The following MORC2 variants were observed in gnomAD, a reference collection of about 807,000 sequenced individuals.
MORC2 encodes ATPase MORC2.
A neutral mutation model predicts 136.0 loss-of-function variants in MORC2; 30 were observed. That is an observed-to-expected ratio of 0.22 (90% CI 0.17 to 0.30). The LOEUF (loss-of-function observed/expected upper bound fraction) is 0.30. Ranked by LOEUF, MORC2 falls within the 10% of genes least tolerant of loss-of-function variation. The probability of loss-of-function intolerance (pLI) is 1.00; values close to 1 mark genes in which losing one functional copy is unlikely to be tolerated. For synonymous variants in MORC2, 439 were observed against 487.0 expected, an observed-to-expected ratio of 0.90 and a Z score of 1.30; for missense variants, 922 against 1,333.1, an observed-to-expected ratio of 0.69 and a Z score of 4.80.
chr22:30,933,924 TGG>T, intron 20 of MORC2, 134 bp downstream of exon 20: 1 of 979,338 alleles, frequency 1.0e-6, no homozygotes, highest in Non-Finnish European at 1.5e-6. Flanking sequence ...AGACTGCTGG[TGG>T]GGGGGGTAGA....
Position 30,931,953 on chromosome 22 carries a change from A to C in MORC2, c.2841+406T>G, listed in dbSNP as rs540584391. 2.6e-5 allele frequency among the ~76,000 whole-genome samples: 4 copies of C among 152,308 alleles called. No homozygotes were observed. The South Asian group carries it at 8.3e-4, about 32-fold the overall frequency. On this transcript the variant is annotated intron_variant, in intron 24 of 25. Coordinates refer to ENST00000397641, the MANE Select transcript of MORC2 (RefSeq NM_001303256.3). ...ATGTCCACACATCACAAGTTTCTCT[A>C]TACCTCCTTCTGAGAGTCAAGTTCT...
Position 30,933,148 on chromosome 22 carries a change from GC to G in MORC2, c.2381-119del, listed in dbSNP as rs1411380726. 3.5e-6 allele frequency: 5 copies of G among 1,409,912 alleles called. No homozygotes were observed. The Admixed American group carries it at 5.5e-5, about 16-fold the overall frequency. 87.3% of individuals were successfully genotyped at this position (1,409,912 alleles called of 1,614,324 possible). On this transcript the variant is annotated intron_variant, in intron 21 of 25. Coordinates refer to ENST00000397641, the MANE Select transcript of MORC2 (RefSeq NM_001303256.3). ...GGAGGACAGGAACACTTAGGTGCTT[GC>G]CCCCACTACACCAGGGACACAGAGA...
At chr22:30,950,337 G>GCGGGGGGGGGGGGCCCCCC in intron 4 of MORC2, 40 bp downstream of exon 4, 1 of 761,764 alleles carries the variant, frequency 1.3e-6, no homozygotes, top group Non-Finnish European at 2.3e-6. Flanking sequence ...TGGTTACATC[G>GCGGGGGGGGGGGGCCCCCC]CACCCCCCCA....
At position 30,934,811 on chromosome 22, in the gene MORC2, C is replaced by T; in HGVS notation, c.2163G>A (p.Lys721=). The change falls in exon 19 of 26, where the codon AAG becomes AAA. Residue 721 remains lysine (K), a synonymous_variant. Transcript: ENST00000397641. The surrounding 1 kb of genome is among the most constrained non-coding windows in gnomAD (Gnocchi z 4.4). ...SPKVIKTPVV[K]KTESPIKLSP... ...AGAGTTTGATGGGTGACTCTGTCTT[C>T]TTCACCACTGGAGTCTTGATGACTT... The T allele has an allele frequency of 6.2e-7, 1 of 1,614,188 alleles. No individual in the cohort carries two copies. Among genetic ancestry groups the T allele is most frequent in the South Asian group, 1.1e-5 (1 of 91,078 alleles).
rs1355314928 is a variant in MORC2 at position 30,934,158 on chromosome 22, A to G, written c.2227T>C (p.Ser743Pro). The G allele has an allele frequency of 9.9e-6, 16 of 1,614,132 alleles. No homozygotes were observed. The highest frequency in any genetic ancestry group is 1.3e-5 in the Non-Finnish European group (15 of 1,180,028). ...TCCTCCTCAACTTCTTCCTCATCAG[A>G]AACTGCGACACTCCGCTTCCGACTA... ...TPSRKRSVAV[S>P]DEEEVEEEAE... Residue 743 changes from serine (S) to proline (P), a missense_variant, in exon 20 of 26, where the codon TCT becomes CCT. Physicochemically the swap from Ser to Pro is moderately conservative, Grantham distance 74. Transcript: ENST00000397641. The surrounding 1 kb of genome is among the most constrained non-coding windows in gnomAD (Gnocchi z 4.4).
chr22:30,943,184 G>A (rs965364998), intron 6 of MORC2, among the ~76,000 whole-genome samples: 13 of 152,202 alleles, frequency 8.5e-5, no homozygotes, highest in African/African-American at 3.1e-4. Context: ...TACAGTAAGA[G>A]TCCATTTCTA....
intron 6 of MORC2, 136 bp from the exon 7 acceptor site, chr22:30,942,407 A>C: frequency 1.0e-6 from 1 of 966,186 alleles, no homozygotes; most frequent in Non-Finnish European, 1.5e-6. Flanking sequence ...ACAGCCTGGC[A>C]CCAGAGGCTC....
In MORC2 at chr22:30,926,648, A is replaced by G; in HGVS notation, c.*155T>C. 2.4e-6 allele frequency: 1 copy of G among 420,554 alleles called. No homozygotes were observed. Among genetic ancestry groups the G allele is most frequent in the South Asian group, 4.9e-5 (1 of 20,418 alleles). The allele number at this position is 420,554 out of a possible 1,614,324, so 26.1% of individuals were successfully genotyped here. A position where few individuals can be genotyped will look rare whatever the true frequency, so the allele number is the denominator to read the frequency against. ...ATAAATATTTATAAACTTAAGGAAG[A>G]TTCAAAGAATCAGGGTATCTTTTCC... On this transcript the variant is annotated 3_prime_UTR_variant, in exon 26 of 26. Coordinates refer to ENST00000397641, the MANE Select transcript of MORC2 (RefSeq NM_001303256.3).
chr22:30,963,037 G>C (rs527648300), intron 1 of MORC2, among the ~76,000 whole-genome samples: 8 of 151,902 alleles, frequency 5.3e-5, no homozygotes, highest in East Asian at 3.9e-4. Context: ...GCAGTGGTGC[G>C]ATCGGCTCAC....
intron 24 of MORC2, among the ~76,000 whole-genome samples, chr22:30,930,481 C>G (rs539504877): frequency 6.6e-6 from 1 of 152,308 alleles, no homozygotes; most frequent in Admixed American, 6.5e-5. Context: ...AAGGCAGCAT[C>G]GTGAGCAGAG....
At chr22:30,931,670 A>T (rs2040577649) in intron 24 of MORC2, among the ~76,000 whole-genome samples, 1 of 152,158 alleles carries the variant, frequency 6.6e-6, no homozygotes, top group African/African-American at 2.4e-5. Context: ...ACTTGGCAAA[A>T]TGCACATTTT....
At chr22:30,949,296 G>A (rs188813417) in intron 5 of MORC2, among the ~76,000 whole-genome samples, 92 of 152,208 alleles carry the variant, frequency 6.0e-4, no homozygotes, top group African/African-American at 2.0e-3. Context: ...CCTCTGGGAC[G>A]GAGGGCTCAC....
At chr22:30,940,734 C>A (rs1248693213) in intron 10 of MORC2, 24 bp downstream of exon 10, 1 of 1,609,750 alleles carries the variant, frequency 6.2e-7, no homozygotes, top group Non-Finnish European at 8.5e-7. Context: ...ACCCCCCCAA[C>A]TCCTGCACCC....
Position 30,936,960 on chromosome 22 carries a change from A to C in MORC2, c.1576T>G (p.Ser526Ala). 1 of 1,614,122 alleles carries C rather than the reference A, an allele frequency of 6.2e-7. No individual in the cohort carries two copies. Among genetic ancestry groups the C allele is most frequent in the Non-Finnish European group, 8.5e-7 (1 of 1,179,982 alleles). ...TCCTGTTCAGGATCAGGGTTCATGG[A>C]GCAAACCCAGGTGTCAGGGTAATCT... ...EKDYPDTWVC[S>A]MNPDPEQDRC... Residue 526 changes from serine (S) to alanine (A), a missense_variant, in exon 16 of 26, where the codon TCC (serine) becomes GCC (alanine). Around this residue, in one of 9 missense-constraint regions of MORC2, gnomAD observed 119 missense variants for 202.7 expected, o/e 0.59. Transcript: ENST00000397641.
At chr22:30,967,757 C>T (rs896792285) in intron 1 of MORC2, 65 bp downstream of exon 1, 6 of 1,543,550 alleles carry the variant, frequency 3.9e-6, no homozygotes, top group South Asian at 1.2e-5. Flanking sequence ...TCTGGGGAAA[C>T]GATTTCCATA....
At chr22:30,939,732 G>A (rs1471280969) in intron 11 of MORC2, 26 bp from the exon 12 acceptor site, 2 of 1,607,208 alleles carry the variant, frequency 1.2e-6, no homozygotes, top group African/African-American at 2.7e-5. Context: ...TCAGGTGAGG[G>A]GAGGTGGCAC....
intron 3 of MORC2, among the ~76,000 whole-genome samples, chr22:30,953,672 G>A (rs541024190): frequency 2.6e-5 from 4 of 152,086 alleles, no homozygotes; most frequent in Non-Finnish European, 5.9e-5. Flanking sequence ...CTGGCATCAC[G>A]AAAAGGATCT....
At position 30,968,004 on chromosome 22, in the gene MORC2, T is replaced by C; in HGVS notation, c.-115A>G. ...GCTTCAGTAAGTCTGTGCTCCTTAATGACAGTTAAAGTAACCTAGTAGCTA... is the reference window on the plus strand; with the variant it reads ...GCTTCAGTAAGTCTGTGCTCCTTAACGACAGTTAAAGTAACCTAGTAGCTA... On this transcript the variant is annotated 5_prime_UTR_variant, in exon 1 of 26. Transcript: ENST00000397641. 8 of 927,148 alleles carry C rather than the reference T, an allele frequency of 8.6e-6. No homozygotes were observed. Among genetic ancestry groups the C allele is most frequent in the South Asian group, 7.4e-5 (5 of 67,342 alleles). 57.4% of individuals were successfully genotyped at this position (927,148 alleles called of 1,614,324 possible).
At chr22:30,928,245 C>T in intron 24 of MORC2, 38 bp from the exon 25 acceptor site, 2 of 1,610,938 alleles carry the variant, frequency 1.2e-6, no homozygotes, top group Middle Eastern at 3.3e-4. Flanking sequence ...TGTGTAAGTT[C>T]ACAGGGGTCC....
Sources: gnomAD v4.1 joint callset for allele counts (sites outside exome capture counted in the v4.1 genomes callset) on GRCh38, gnomAD v4.1.1 for gene constraint, gnomAD v4.1.1 regional missense constraint, Gnocchi (gnomAD v3.1) non-coding constraint, MANE v1.5 for transcripts, NCBI Gene and HGNC (gene_info 2026-07-23, HGNC 2026-07-21) for gene names.